Variants in HMCN1 observed in about 807,000 individuals in gnomAD.
HMCN1 encodes hemicentin-1.
HMCN1 carries 321 observed loss-of-function variants against 625.9 expected under a neutral mutation model. The ratio of observed to expected loss-of-function variants is 0.51; its 90% CI spans 0.47 to 0.56. HMCN1 has a LOEUF of 0.56. HMCN1 is among the 20% of genes least tolerant of loss of function. The pLI is 0.00. For synonymous variants in HMCN1, 2,425 were observed against 2,417.6 expected (o/e 1.00, Z -0.09); for missense variants, 6,588 against 6,887.3 (o/e 0.96, Z 1.54).
At chr1:185,871,374 C>T (rs1225516432) in intron 4 of HMCN1, among the ~76,000 whole-genome samples, 3 of 152,160 alleles carry the variant, frequency 2.0e-5, no homozygotes, top group Admixed American at 2.0e-4. Context: ...GGGACCATGG[C>T]TCATATCCCA....
chr1:186,090,701 A>G, intron 63 of HMCN1, 57 bp from the exon 64 acceptor site: 6 of 1,582,098 alleles, frequency 3.8e-6, no homozygotes, highest in Non-Finnish European at 4.3e-6. Flanking sequence ...TGACTCTGTT[A>G]CATTAGAATT....
intron 4 of HMCN1, among the ~76,000 whole-genome samples, chr1:185,898,813 T>G (rs577680419): frequency 6.6e-6 from 1 of 151,962 alleles, no homozygotes; most frequent in Admixed American, 6.6e-5. Context: ...AGTCTAAAAA[T>G]GTGATTGTGT....
intron 11 of HMCN1, among the ~76,000 whole-genome samples, chr1:185,955,864 C>T (rs1298466584): frequency 6.6e-6 from 1 of 152,134 alleles, no homozygotes; most frequent in East Asian, 1.9e-4. Flanking sequence ...TTTGTCCCAA[C>T]TCCAGTTTAC....
chr1:186,082,618 T>A (rs1289078942), intron 56 of HMCN1, among the ~76,000 whole-genome samples: 1 of 152,034 alleles, frequency 6.6e-6, no homozygotes, highest in Non-Finnish European at 1.5e-5. Context: ...GGAGAATAAT[T>A]TGGGACATTT....
In HMCN1 at chr1:186,081,406, G is replaced by C. The variant is rs1158079125; in HGVS notation, c.8787+12G>C. The stretch of plus-strand genomic sequence containing the variant: ...GACGAATTCTGCAGGTAAAAGTAAA[G>C]AAAGATCTAATTTTAAAAGAGCTAT... On this transcript the variant is annotated intron_variant, in intron 56 of 106. Transcript: ENST00000271588. 2 of 1,589,230 alleles carry C rather than the reference G, an allele frequency of 1.3e-6. No homozygotes were observed. Among genetic ancestry groups the C allele is most frequent in the Non-Finnish European group, 1.7e-6 (2 of 1,158,040 alleles).
intron 15 of HMCN1, among the ~76,000 whole-genome samples, chr1:185,972,695 C>T (rs41397650): frequency 0.039 from 5,890 of 152,124 alleles, 255 homozygotes; most frequent in African/African-American, 0.1. Flanking sequence ...TTTCCATATT[C>T]GCTGTTAGAT....
chr1:186,176,734 TTAAGGAAACATAAAACAGAGAAACA>T (rs1166079345), intron 103 of HMCN1: 18 of 152,166 alleles, frequency 1.2e-4, no homozygotes, highest in East Asian at 1.2e-3. Flanking sequence ...GATAAGCACT[TTAAGGAAACATAAAACAGAGAAACA>T]TAAGGAAACA....
chr1:185,910,343 A>G (rs1312982213), intron 5 of HMCN1, among the ~76,000 whole-genome samples: 1 of 152,070 alleles, frequency 6.6e-6, no homozygotes, highest in East Asian at 1.9e-4. Context: ...CTTTCTCAAG[A>G]CTTATACAAG....
chr1:186,125,910 A>AAATC, intron 82 of HMCN1, 116 bp downstream of exon 82: 3 of 736,942 alleles, frequency 4.1e-6, no homozygotes, highest in Non-Finnish European at 6.6e-6. Flanking sequence ...TATTCTTGTA[A>AAATC]AATCAGGTCA....
At chr1:186,000,353 C>A (rs1653094823) in intron 26 of HMCN1, 114 bp downstream of exon 26, 2 of 768,916 alleles carry the variant, frequency 2.6e-6, no homozygotes, top group South Asian at 3.1e-5. Flanking sequence ...GCAGTATTAC[C>A]AAACAGAAAT....
At chr1:186,033,586 T>C (rs1261096022) in intron 36 of HMCN1, among the ~76,000 whole-genome samples, 1 of 141,200 alleles carries the variant, frequency 7.1e-6, no homozygotes, top group African/African-American at 2.8e-5. Context: ...TAATTTTTAT[T>C]GTTGTATTGT....
chr1:185,904,415 AT>A (rs1371932751), intron 4 of HMCN1, among the ~76,000 whole-genome samples: 2 of 151,912 alleles, frequency 1.3e-5, no homozygotes, highest in Non-Finnish European at 2.9e-5. Flanking sequence ...AGGCTTTAAT[AT>A]TTTTATATAG....
At chr1:185,848,790 T>C (rs764060347) in intron 2 of HMCN1, among the ~76,000 whole-genome samples, 14 of 152,178 alleles carry the variant, frequency 9.2e-5, no homozygotes, top group Non-Finnish European at 2.1e-4. Context: ...TTACCCCTTA[T>C]AGTCAGTCCA....
At chr1:186,162,216 C>A (rs558618825) in intron 97 of HMCN1, among the ~76,000 whole-genome samples, 1 of 152,200 alleles carries the variant, frequency 6.6e-6, no homozygotes, top group African/African-American at 2.4e-5. Flanking sequence ...GCATCGGCTC[C>A]TGAGGCTTCT....
chr1:185,989,358 A>T (rs927252314), intron 20 of HMCN1, 130 bp from the exon 21 acceptor site: 23 of 1,068,186 alleles, frequency 2.2e-5, no homozygotes, highest in African/African-American at 9.6e-5. Flanking sequence ...TTAGCATTTT[A>T]AAATTTACTC....
At chr1:185,813,353 A>G (rs1055537191) in intron 1 of HMCN1, among the ~76,000 whole-genome samples, 1 of 152,156 alleles carries the variant, frequency 6.6e-6, no homozygotes, top group Non-Finnish European at 1.5e-5. Flanking sequence ...AAGCAAATGG[A>G]ATAGGTTGCA....
At chr1:186,112,740 G>T in intron 71 of HMCN1, 72 bp from the exon 72 acceptor site, 1 of 1,569,344 alleles carries the variant, frequency 6.4e-7, no homozygotes. Flanking sequence ...ACTTACTTTT[G>T]ATGCTGTGAA....
intron 66 of HMCN1, 28 bp downstream of exon 66, chr1:186,093,697 A>G (rs759319337): frequency 6.2e-7 from 1 of 1,612,148 alleles, no homozygotes; most frequent in Admixed American, 1.7e-5. Flanking sequence ...CTGATTTCCT[A>G]AACAGATGAA....
Position 186,023,135 on chromosome 1 carries a change from A to T in HMCN1, c.5731A>T (p.Ile1911Phe). ...CGCAGCTGGAGAAACACAACAGCAC[A>T]TTCAACTGCATGTTCATGGTAATGT... ...TNAAGETQQH[I>F]QLHVHEPPSL... Residue 1911 changes from isoleucine (I) to phenylalanine (F), a missense_variant, in exon 36 of 107, where the codon ATT becomes TTT. Ile to Phe is a conservative substitution (Grantham distance 21). Transcript: ENST00000271588. 5 of 1,613,240 alleles carry T rather than the reference A, an allele frequency of 3.1e-6. No individual in the cohort carries two copies. Among genetic ancestry groups the T allele is most frequent in the Non-Finnish European group, 4.2e-6 (5 of 1,179,344 alleles).
Sources: gnomAD v4.1 joint callset for allele counts (sites outside exome capture counted in the v4.1 genomes callset) on GRCh38, gnomAD v4.1.1 for gene constraint, MANE v1.5 for transcripts, NCBI Gene and HGNC (gene_info 2026-07-23, HGNC 2026-07-21) for gene names.